MAP3K5: variants seen among roughly 807,000 people sequenced by gnomAD.
MAP3K5 encodes mitogen-activated protein kinase kinase kinase 5.
In MAP3K5, 56 loss-of-function variants were observed where a neutral mutation model predicts 158.7. The observed-to-expected ratio is 0.35, with a 90% CI of 0.28 to 0.44. The LOEUF (loss-of-function observed/expected upper bound fraction) is 0.44, where lower values mean the gene tolerates loss of function less well. Ranked by LOEUF, MAP3K5 falls within the 20% of genes least tolerant of loss-of-function variation. The pLI, the probability that MAP3K5 is intolerant of heterozygous loss-of-function variation, is 1.00. For synonymous variants in MAP3K5, 579 were observed against 601.7 expected, an observed-to-expected ratio of 0.96 and a Z score of 0.55; for missense variants, 1,294 against 1,674.8, an observed-to-expected ratio of 0.77 and a Z score of 3.97.
At chr6:136,713,026 C>T (rs1002463170) in intron 2 of MAP3K5, among the ~76,000 whole-genome samples, 1 of 152,038 alleles carries the variant, frequency 6.6e-6, no homozygotes, top group Non-Finnish European at 1.5e-5. Context: ...CTAATACACA[C>T]ACATATTTCA....
At chr6:136,558,733 G>C (rs145563378) in intron 29 of MAP3K5, 67 bp downstream of exon 29, 1 of 1,005,246 alleles carries the variant, frequency 9.9e-7, no homozygotes, top group Non-Finnish European at 1.6e-6. Flanking sequence ...AGCCTGGGAA[G>C]ATACTCAGAC....
Position 136,592,535 on chromosome 6 carries a change from T to G in MAP3K5, c.2958A>C (p.Ser986=). Residue 986 remains serine (S), a synonymous_variant, in exon 22 of 30, where the codon TCA becomes TCC. Transcript: ENST00000359015. ...TSSSSEYGSV[S]PDTELKVDPF... ...GGTCCACTTTCAACTCCGTGTCGGG[T>G]GAAACTGAGCCGTACTCACTGCTGC... 1 of 1,610,700 alleles carries G rather than the reference T, an allele frequency of 6.2e-7. No homozygotes were observed. The highest frequency in any genetic ancestry group is 8.5e-7 in the Non-Finnish European group (1 of 1,177,016).
At chr6:136,774,611 CA>C (rs1328119741) in intron 1 of MAP3K5, among the ~76,000 whole-genome samples, 1 of 152,212 alleles carries the variant, frequency 6.6e-6, no homozygotes, top group Non-Finnish European at 1.5e-5. Context: ...ACAGGTCACA[CA>C]CTGATACAGA....
At chr6:136,705,411 C>T (rs1273716817) in intron 2 of MAP3K5, among the ~76,000 whole-genome samples, 1 of 152,130 alleles carries the variant, frequency 6.6e-6, no homozygotes, top group Non-Finnish European at 1.5e-5. Context: ...CCTCCCACCT[C>T]AGCCTCCCAA....
At chr6:136,732,853 A>T (rs1782287456) in intron 1 of MAP3K5, among the ~76,000 whole-genome samples, 1 of 152,222 alleles carries the variant, frequency 6.6e-6, no homozygotes, top group African/African-American at 2.4e-5. Flanking sequence ...ATATGAAAAG[A>T]GGGAAGATCT....
At chr6:136,583,820 G>T in intron 23 of MAP3K5, 80 bp from the exon 24 acceptor site, 1 of 1,320,282 alleles carries the variant, frequency 7.6e-7, no homozygotes, top group Non-Finnish European at 1.1e-6. Context: ...CATACCCCCT[G>T]CCCCCACATT....
intron 25 of MAP3K5, among the ~76,000 whole-genome samples, chr6:136,568,232 C>G (rs1163183900): frequency 2.0e-5 from 3 of 152,164 alleles, no homozygotes; most frequent in Non-Finnish European, 4.4e-5. Context: ...AGTGTTTATA[C>G]AAGTAAAGTT....
At chr6:136,606,545 C>G (rs925471211) in intron 18 of MAP3K5, among the ~76,000 whole-genome samples, 2 of 152,148 alleles carry the variant, frequency 1.3e-5, no homozygotes, top group African/African-American at 4.8e-5. Flanking sequence ...AAATGAGAGG[C>G]TGGATTTGAA....
At chr6:136,695,920 C>A in intron 6 of MAP3K5, 31 bp downstream of exon 6, 1 of 1,299,760 alleles carries the variant, frequency 7.7e-7, no homozygotes, top group Non-Finnish European at 1.1e-6. Context: ...AATATGTTAA[C>A]GCATTCTGGA....
intron 7 of MAP3K5, among the ~76,000 whole-genome samples, chr6:136,672,273 A>C (rs1331216674): frequency 6.6e-6 from 1 of 152,182 alleles, no homozygotes; most frequent in Non-Finnish European, 1.5e-5. Context: ...ACATTTTTGC[A>C]GACACTGGAG....
At chr6:136,654,216 C>T (rs766271322) in intron 10 of MAP3K5, among the ~76,000 whole-genome samples, 4 of 152,200 alleles carry the variant, frequency 2.6e-5, no homozygotes, top group Non-Finnish European at 5.9e-5. Context: ...ATCCTATCAT[C>T]CCCTTCCCAG....
intron 1 of MAP3K5, among the ~76,000 whole-genome samples, chr6:136,764,365 A>G (rs891850020): frequency 2.0e-5 from 3 of 152,194 alleles, no homozygotes; most frequent in African/African-American, 4.8e-5. Context: ...TCTTCTTGGA[A>G]CATTCACTCA....
intron 14 of MAP3K5, among the ~76,000 whole-genome samples, chr6:136,625,272 C>T (rs1467745953): frequency 6.6e-6 from 1 of 152,152 alleles, no homozygotes; most frequent in East Asian, 1.9e-4. Context: ...AATGGGCATG[C>T]TTATGTTCCA....
intron 7 of MAP3K5, among the ~76,000 whole-genome samples, chr6:136,681,788 G>A (rs546162707): frequency 6.6e-5 from 10 of 152,086 alleles, no homozygotes; most frequent in South Asian, 6.2e-4. Context: ...GTGTGGTGGC[G>A]GGCGCCTGTA....
chr6:136,646,625 T>C (rs1778269892), intron 11 of MAP3K5, among the ~76,000 whole-genome samples: 1 of 152,228 alleles, frequency 6.6e-6, no homozygotes, highest in Admixed American at 6.5e-5. Flanking sequence ...CTTGCTCTTT[T>C]CAATCAAGCC....
intron 12 of MAP3K5, among the ~76,000 whole-genome samples, chr6:136,641,005 A>G (rs1777904703): frequency 6.6e-6 from 1 of 152,240 alleles, no homozygotes; most frequent in African/African-American, 2.4e-5. Context: ...TACCTAATTA[A>G]AGAAAATTTA....
At chr6:136,624,602 G>A (rs913010197) in intron 14 of MAP3K5, among the ~76,000 whole-genome samples, 4 of 152,066 alleles carry the variant, frequency 2.6e-5, no homozygotes, top group Non-Finnish European at 5.9e-5. Flanking sequence ...TAAAGACCAT[G>A]ATCTCTGAGC....
At chr6:136,692,062 CT>C (rs553516473) in intron 7 of MAP3K5, among the ~76,000 whole-genome samples, 2 of 149,254 alleles carry the variant, frequency 1.3e-5, no homozygotes, top group Non-Finnish European at 3.0e-5. Context: ...GTTTTTCTTT[CT>C]TTTTTTTCTT....
At position 136,561,518 on chromosome 6, in the gene MAP3K5, G is replaced by C. The variant is rs1830512924; in HGVS notation, c.3987+15C>G. Reference sequence around the variant, plus strand: ...GAAGTGAAAGAATACTTGTCCCACAGACAGTTTTCTTTACCCGGCTTATAG... The same window carrying C: ...GAAGTGAAAGAATACTTGTCCCACACACAGTTTTCTTTACCCGGCTTATAG... On this transcript the variant is annotated intron_variant, in intron 28 of 29. Coordinates refer to ENST00000359015, the MANE Select transcript of MAP3K5 (RefSeq NM_005923.4). 1.3e-6 allele frequency: 2 copies of C among 1,551,648 alleles called. No individual in the cohort carries two copies. Among genetic ancestry groups the C allele is most frequent in the East Asian group, 2.2e-5 (1 of 44,582 alleles).
Sources: gnomAD v4.1 joint callset for allele counts (sites outside exome capture counted in the v4.1 genomes callset) on GRCh38, gnomAD v4.1.1 for gene constraint, MANE v1.5 for transcripts, NCBI Gene and HGNC (gene_info 2026-07-23, HGNC 2026-07-21) for gene names.